The following LONP1 variants were observed in gnomAD, a reference collection of about 807,000 sequenced individuals.
LONP1 encodes lon protease homolog, mitochondrial.
LONP1 carries 31 observed loss-of-function variants against 98.5 expected under a neutral mutation model. The observed-to-expected ratio is 0.31, with a 90% CI of 0.24 to 0.42. The LOEUF (loss-of-function observed/expected upper bound fraction) is 0.42. LONP1 is among the 20% of genes least tolerant of loss of function. LONP1 has a pLI of 1.00. For synonymous variants in LONP1, 781 were observed against 594.7 expected, an observed-to-expected ratio of 1.31 and a Z score of -4.56; for missense variants, 1,336 against 1,350.6, an observed-to-expected ratio of 0.99 and a Z score of 0.17.
At chr19:5,704,406 C>T (rs115284878) in intron 8 of LONP1, among the ~76,000 whole-genome samples, 2,398 of 152,268 alleles carry the variant, frequency 0.016, 68 homozygotes, top group African/African-American at 0.056. Flanking sequence ...AGCCTTCGCG[C>T]GCAACCAGTG....
chr19:5,715,349 T>TTA (rs924605743), intron 1 of LONP1, among the ~76,000 whole-genome samples: 1 of 150,528 alleles, frequency 6.6e-6, no homozygotes, highest in Non-Finnish European at 1.5e-5. Flanking sequence ...TTTTTTTTTT[T>TTA]AATAAAGTTT....
intron 3 of LONP1, 139 bp downstream of exon 3, chr19:5,712,995 G>A: frequency 8.5e-7 from 1 of 1,174,306 alleles, no homozygotes. Context: ...CTCACCCCCA[G>A]CTCTGGCCTC....
intron 7 of LONP1, among the ~76,000 whole-genome samples, chr19:5,706,346 C>G (rs895356281): frequency 1.3e-5 from 2 of 152,144 alleles, no homozygotes; most frequent in Admixed American, 6.5e-5. Context: ...CGGTGGCTCA[C>G]GCCTGTAATC....
intron 1 of LONP1, chr19:5,717,269 G>C (rs980716204): frequency 6.6e-6 from 1 of 152,172 alleles, no homozygotes; most frequent in Non-Finnish European, 1.5e-5. Flanking sequence ...ATCAAGCTTT[G>C]CTAACAATTT....
intron 4 of LONP1, among the ~76,000 whole-genome samples, chr19:5,709,401 C>T (rs1890098): frequency 0.35 from 52,474 of 151,386 alleles, 9,619 homozygotes; most frequent in Middle Eastern, 0.48. Context: ...CTAAGGAGGC[C>T]GAGGCAGGAG....
At chr19:5,692,978 C>T (rs1006134708) in intron 17 of LONP1, among the ~76,000 whole-genome samples, 5 of 152,050 alleles carry the variant, frequency 3.3e-5, no homozygotes, top group South Asian at 2.1e-4. Context: ...CAAACACCCC[C>T]GCCACCAGTA....
At chr19:5,712,334 G>A (rs1438825968) in intron 3 of LONP1, 2 of 295,114 alleles carry the variant, frequency 6.8e-6, no homozygotes, top group East Asian at 8.4e-5. Context: ...GCCTGGCCGG[G>A]CACAGGCTGG....
rs752087158 is a variant in LONP1 at position 5,694,520 on chromosome 19, G to A, written c.2187C>T (p.Ser729=). Residue 729 remains serine (S), a synonymous_variant, in exon 15 of 18, where the codon AGC becomes AGT. Coordinates refer to ENST00000360614, the MANE Select transcript of LONP1 (RefSeq NM_004793.4). ...VLRKSAYKIV[S]GEAESVEVTP... Reference sequence around the variant, plus strand: ...TCACCTCCACGGACTCGGCCTCGCCGCTGACAATCTTGTAGGCCGATTTCC... The same window carrying A: ...TCACCTCCACGGACTCGGCCTCGCCACTGACAATCTTGTAGGCCGATTTCC... The A allele has an allele frequency of 2.5e-5, 40 of 1,613,082 alleles. No homozygotes were observed. The highest frequency in any genetic ancestry group is 9.3e-5 in the African/African-American group (7 of 75,028).
intron 8 of LONP1, among the ~76,000 whole-genome samples, chr19:5,702,370 C>T (rs575813559): frequency 4.0e-5 from 6 of 148,942 alleles, no homozygotes; most frequent in South Asian, 2.1e-4. Context: ...GTCAGCCCCC[C>T]GCCCGGCCAG....
intron 7 of LONP1, among the ~76,000 whole-genome samples, chr19:5,706,286 G>GC (rs1266477017): frequency 1.3e-5 from 2 of 152,050 alleles, no homozygotes; most frequent in African/African-American, 4.8e-5. Flanking sequence ...ACAGGCACCT[G>GC]CCACACCTGG....
At chr19:5,694,223 CCCCT>C (rs762760801) in intron 15 of LONP1, among the ~76,000 whole-genome samples, 160 bp downstream of exon 15, 16 of 152,188 alleles carry the variant, frequency 1.1e-4, no homozygotes, top group African/African-American at 3.1e-4. Context: ...TCACAGCCTT[CCCCT>C]CCCTCAGCCC....
In LONP1 at chr19:5,695,902, GGT is replaced by G. The variant is rs1372945612; in HGVS notation, c.2013+150_2013+151del. 1.4e-4 allele frequency: 92 copies of G among 658,228 alleles called. No individual in the cohort carries two copies. The African/African-American group carries it at 1.5e-3, about 11-fold the overall frequency. The allele number at this position is 658,228 out of a possible 1,614,324, so 40.8% of individuals were successfully genotyped here. On this transcript the variant is annotated intron_variant, in intron 13 of 17. Transcript: ENST00000360614. Reference sequence around the variant, plus strand: ...CACCTGCAGCTGCTCGCAAGCGTCTGGTGTGTCTCTCACGGCCCCATCTGCTC... The same window carrying G: ...CACCTGCAGCTGCTCGCAAGCGTCTGGTGTCTCTCACGGCCCCATCTGCTC...
intron 4 of LONP1, among the ~76,000 whole-genome samples, chr19:5,709,549 A>ACCGT (rs1397452750): frequency 1.3e-5 from 2 of 151,946 alleles, no homozygotes; most frequent in African/African-American, 4.8e-5. Flanking sequence ...TTGACGCTGA[A>ACCGT]CTGTCTGAGC....
chr19:5,694,348 G>A (rs922790761), intron 15 of LONP1, 39 bp downstream of exon 15: 3 of 1,602,720 alleles, frequency 1.9e-6, no homozygotes, highest in South Asian at 1.1e-5. Context: ...GGGTAGAAAT[G>A]GGAATGGCTT....
chr19:5,706,096 G>A (rs1599467333), intron 7 of LONP1, 104 bp from the exon 8 acceptor site: 2 of 723,936 alleles, frequency 2.8e-6, no homozygotes, highest in Admixed American at 4.7e-5. Context: ...GACTCAGAGA[G>A]AAAAGAAACG....
chr19:5,697,039 C>T (rs149997247), intron 10 of LONP1, among the ~76,000 whole-genome samples: 21 of 152,302 alleles, frequency 1.4e-4, no homozygotes, highest in East Asian at 7.7e-4. Flanking sequence ...GCCAGACAGG[C>T]GCTGGCAGCA....
intron 5 of LONP1, 108 bp from the exon 6 acceptor site, chr19:5,707,934 G>A (rs1048397614): frequency 7.4e-7 from 1 of 1,348,492 alleles, no homozygotes; most frequent in Admixed American, 2.0e-5. Flanking sequence ...TGTAGCTATG[G>A]GCACGGTCTA....
At chr19:5,709,118 G>C (rs535095043) in intron 4 of LONP1, among the ~76,000 whole-genome samples, 1 of 151,460 alleles carries the variant, frequency 6.6e-6, no homozygotes, top group Non-Finnish European at 1.5e-5. Context: ...GGGCTCAAGC[G>C]ATCCTCCCCG....
At chr19:5,697,705 T>G (rs1010159414) in intron 10 of LONP1, among the ~76,000 whole-genome samples, 7 of 151,742 alleles carry the variant, frequency 4.6e-5, no homozygotes, top group Non-Finnish European at 1.0e-4. Context: ...AAGGAGGGTT[T>G]TGCTGCTGTT....
Sources: gnomAD v4.1 joint callset for allele counts (sites outside exome capture counted in the v4.1 genomes callset) on GRCh38, gnomAD v4.1.1 for gene constraint, MANE v1.5 for transcripts, NCBI Gene and HGNC (gene_info 2026-07-23, HGNC 2026-07-21) for gene names.